MSH3: variants seen among roughly 807,000 people sequenced by gnomAD.
The protein encoded by MSH3 is mutS homolog 3.
Under a neutral mutation model 123.3 loss-of-function variants are expected in MSH3, and 106 were observed. The ratio of observed to expected loss-of-function variants is 0.86; its 90% CI spans 0.73 to 1.01. The LOEUF (loss-of-function observed/expected upper bound fraction) is 1.01, where lower values mean the gene tolerates loss of function less well. Among genes scored for constraint, MSH3 ranks in the 50% least tolerant of loss-of-function variants. The pLI, the probability that MSH3 is intolerant of heterozygous loss-of-function variation, is 0.00. For synonymous variants in MSH3, 515 were observed against 481.4 expected (o/e 1.07, Z -0.91); for missense variants, 1,459 against 1,347.6 (o/e 1.08, Z -1.29).
chr5:80,822,708 A>G (rs1024420968), intron 20 of MSH3, among the ~76,000 whole-genome samples: 4 of 152,240 alleles, frequency 2.6e-5, no homozygotes, highest in East Asian at 1.9e-4. Flanking sequence ...CACTGTGGCC[A>G]TAATAGAATT....
At chr5:80,774,246 G>A (rs544472411) in intron 15 of MSH3, among the ~76,000 whole-genome samples, 206 of 152,180 alleles carry the variant, frequency 1.4e-3, no homozygotes, top group African/African-American at 4.7e-3. Context: ...TAAAATGACA[G>A]GAGATATTAT....
At chr5:80,813,510 A>G in intron 19 of MSH3, 74 bp from the exon 20 acceptor site, 1 of 1,469,582 alleles carries the variant, frequency 6.8e-7, no homozygotes, top group Non-Finnish European at 9.5e-7. Flanking sequence ...ATGCATTTCC[A>G]CTTATGAGAT....
intron 19 of MSH3, among the ~76,000 whole-genome samples, chr5:80,812,981 G>A (rs563248679): frequency 6.6e-6 from 1 of 152,214 alleles, no homozygotes; most frequent in African/African-American, 2.4e-5. Context: ...CTTAGCAGGG[G>A]TGTGTACCTG....
Position 80,741,507 on chromosome 5 carries a change from A to C in MSH3, c.1612A>C (p.Asn538His). The C allele has an allele frequency of 6.2e-7, 1 of 1,608,054 alleles. No homozygotes were observed. The highest frequency in any genetic ancestry group is 1.1e-5 in the South Asian group (1 of 90,960). The change falls in exon 11 of 24, where the codon AAT (asparagine) becomes CAT (histidine). Residue 538 changes from asparagine to histidine, a missense_variant. Asn to His is a moderately conservative substitution (Grantham distance 68). Coordinates refer to ENST00000265081, the MANE Select transcript of MSH3 (RefSeq NM_002439.5). ...LSSKMEFMTINGTTLRNLEIL... is the reference protein window; with the variant it reads ...LSSKMEFMTIHGTTLRNLEIL... ...AAGTAAAATGGAATTTATGACAATT[A>C]ATGGAACAACATTAAGGAATCTGGA...
chr5:80,788,802 C>CAAAAAAAA (rs199590090), intron 18 of MSH3, among the ~76,000 whole-genome samples: 1 of 90,118 alleles, frequency 1.1e-5, no homozygotes, highest in Non-Finnish European at 2.5e-5. Context: ...GAGCCTGTCT[C>CAAAAAAAA]AAAAAAAAAA....
At chr5:80,750,953 C>T (rs1743823866) in intron 12 of MSH3, among the ~76,000 whole-genome samples, 1 of 152,110 alleles carries the variant, frequency 6.6e-6, no homozygotes, top group South Asian at 2.1e-4. Flanking sequence ...TATTTGACCT[C>T]CTAATCTAAA....
chr5:80,711,773 GC>G (rs1282496409), intron 8 of MSH3, among the ~76,000 whole-genome samples: 1 of 151,736 alleles, frequency 6.6e-6, no homozygotes, highest in Non-Finnish European at 1.5e-5. Flanking sequence ...TCCTGCCTTA[GC>G]CCCCTGAGTG....
intron 21 of MSH3, chr5:80,855,872 T>C (rs371086814): frequency 3.3e-5 from 2 of 61,344 alleles, no homozygotes; most frequent in Non-Finnish European, 3.1e-5. Flanking sequence ...CTCCTCCTCC[T>C]CTTTTTTTTT....
intron 12 of MSH3, among the ~76,000 whole-genome samples, chr5:80,749,094 G>A (rs376409093): frequency 1.3e-5 from 2 of 151,852 alleles, no homozygotes; most frequent in African/African-American, 4.8e-5. Context: ...TTGTATTAGG[G>A]TTCTGTAGAG....
In MSH3 at chr5:80,769,104, T is replaced by C. The variant is rs1744173532; in HGVS notation, c.2253+101T>C. On this transcript the variant is annotated intron_variant, in intron 15 of 23. Coordinates refer to ENST00000265081, the MANE Select transcript of MSH3 (RefSeq NM_002439.5). ...CTGAGGATAGGATATGTATTATCTT[T>C]TCAAATTTTCTGTTTTATTCCTTGG... The C allele has an allele frequency of 2.8e-6, 3 of 1,075,204 alleles. No individual in the cohort carries two copies. The East Asian group carries it at 7.7e-5, about 28-fold the overall frequency. The allele number at this position is 1,075,204 out of a possible 1,614,324, so 66.6% of individuals were successfully genotyped here. A position where few individuals can be genotyped will look rare whatever the true frequency, so the allele number is the denominator to read the frequency against.
chr5:80,769,745 G>A (rs942892834), intron 15 of MSH3, among the ~76,000 whole-genome samples: 8 of 151,996 alleles, frequency 5.3e-5, no homozygotes, highest in Admixed American at 4.6e-4. Flanking sequence ...AACTTCTATA[G>A]AATGAGCATT....
chr5:80,660,098 T>C (rs1049414811), intron 2 of MSH3, among the ~76,000 whole-genome samples: 5 of 152,172 alleles, frequency 3.3e-5, no homozygotes, highest in Non-Finnish European at 7.4e-5. Context: ...GATAAAGACA[T>C]ACCAGAGACT....
At chr5:80,848,759 A>G (rs1745772057) in intron 20 of MSH3, among the ~76,000 whole-genome samples, 1 of 152,202 alleles carries the variant, frequency 6.6e-6, no homozygotes, top group Non-Finnish European at 1.5e-5. Flanking sequence ...CGTGGGAATT[A>G]TGGGAGCTAG....
intron 3 of MSH3, among the ~76,000 whole-genome samples, chr5:80,667,889 G>A (rs1749607389): frequency 1.3e-5 from 2 of 152,206 alleles, no homozygotes; most frequent in Non-Finnish European, 2.9e-5. Flanking sequence ...AATGTGGCAA[G>A]CAAGAGATGG....
At chr5:80,833,135 G>A (rs1450484396) in intron 20 of MSH3, among the ~76,000 whole-genome samples, 1 of 152,038 alleles carries the variant, frequency 6.6e-6, no homozygotes, top group Non-Finnish European at 1.5e-5. Flanking sequence ...GGTTATAGGC[G>A]AGGAGGGGAG....
intron 15 of MSH3, among the ~76,000 whole-genome samples, chr5:80,770,299 A>C (rs898195659): frequency 6.6e-6 from 1 of 151,334 alleles, no homozygotes; most frequent in African/African-American, 2.4e-5. Flanking sequence ...CAGTGGAGAA[A>C]GTAAGTGTAA....
chr5:80,770,757 T>C (rs998879352), intron 15 of MSH3, among the ~76,000 whole-genome samples: 2 of 152,238 alleles, frequency 1.3e-5, no homozygotes, highest in Non-Finnish European at 2.9e-5. Flanking sequence ...AAAATCTAGA[T>C]ATTTTAGAGC....
At chr5:80,726,706 C>T (rs868347554) in intron 9 of MSH3, among the ~76,000 whole-genome samples, 7 of 152,080 alleles carry the variant, frequency 4.6e-5, no homozygotes, top group East Asian at 1.9e-4. Context: ...TGGGCTCAAA[C>T]GATCCTCCCA....
chr5:80,716,542 G>T (rs1204125007), intron 8 of MSH3, among the ~76,000 whole-genome samples: 2 of 151,872 alleles, frequency 1.3e-5, no homozygotes, highest in Non-Finnish European at 2.9e-5. Context: ...TGTGATTACG[G>T]GTGTGAGCCA....
Sources: allele counts gnomAD v4.1 joint callset (sites outside exome capture counted in the v4.1 genomes callset), GRCh38; gene constraint gnomAD v4.1.1; transcripts MANE v1.5; gene names NCBI Gene and HGNC (gene_info 2026-07-23, HGNC 2026-07-21).